The following DOK6 variants were observed in gnomAD, a reference collection of about 807,000 sequenced individuals.
The protein encoded by DOK6 is docking protein 6.
In DOK6, 22 loss-of-function variants were observed where a neutral mutation model predicts 44.0. The ratio of observed to expected loss-of-function variants is 0.50; its 90% CI spans 0.36 to 0.71. DOK6 has a LOEUF of 0.71. DOK6 is among the 30% of genes least tolerant of loss of function. The pLI is 0.00. For synonymous variants in DOK6, 166 were observed against 145.5 expected (o/e 1.14, Z -1.01); for missense variants, 340 against 416.4 (o/e 0.82, Z 1.60).
Position 69,847,631 on chromosome 18 carries a change from C to G in DOK6, c.*6248C>G, listed in dbSNP as rs1488711541. 1 of 151,948 alleles carries G rather than the reference C, an allele frequency of 6.6e-6. No individual in the cohort carries two copies. The allele number at this position is 151,948 out of a possible 1,614,324, so 9.4% of individuals were successfully genotyped here. ...ACTGAAAGCCAGGGAAAATAAAGAA[C>G]AGAATGATAGTAGTATCTTGATATT... On this transcript the variant is annotated 3_prime_UTR_variant, in exon 8 of 8. Transcript: ENST00000382713.
intron 1 of DOK6, among the ~76,000 whole-genome samples, chr18:69,536,304 A>G (rs1568289138): frequency 6.6e-6 from 1 of 152,200 alleles, no homozygotes; most frequent in Non-Finnish European, 1.5e-5. Context: ...TAATATTCAG[A>G]TAATTTACTC....
intron 1 of DOK6, among the ~76,000 whole-genome samples, chr18:69,520,921 A>AG (rs1981667158): frequency 1.3e-5 from 2 of 151,900 alleles, no homozygotes; most frequent in Non-Finnish European, 2.9e-5. Context: ...ATAAAAAGAG[A>AG]GGCCTCTTAA....
chr18:69,475,988 C>T (rs1011225777), intron 1 of DOK6, among the ~76,000 whole-genome samples: 1 of 143,580 alleles, frequency 7.0e-6, no homozygotes, highest in African/African-American at 2.5e-5. Context: ...CTGGTCCCAT[C>T]ACCCAGTAAG....
intron 1 of DOK6, among the ~76,000 whole-genome samples, chr18:69,414,134 A>G (rs1365509563): frequency 1.3e-5 from 2 of 152,198 alleles, no homozygotes; most frequent in African/African-American, 4.8e-5. Flanking sequence ...GTCACTCATT[A>G]CTGGCGGGAA....
chr18:69,681,724 A>G (rs528624524), intron 4 of DOK6, among the ~76,000 whole-genome samples: 2 of 152,380 alleles, frequency 1.3e-5, no homozygotes, highest in Non-Finnish European at 2.9e-5. Flanking sequence ...ATATTAATAT[A>G]TGGCATTACA....
Position 69,735,876 on chromosome 18 carries a change from G to A in DOK6, c.600-3089G>A, listed in dbSNP as rs181372172. On this transcript the variant is annotated intron_variant, in intron 5 of 7. Coordinates refer to ENST00000382713, the MANE Select transcript of DOK6 (RefSeq NM_152721.6). Reference sequence around the variant, plus strand: ...AAAATAGGAATGGAGAATGTGCAGGGTTTGAATAACCAACTGGTGCCTGCT... The same window carrying A: ...AAAATAGGAATGGAGAATGTGCAGGATTTGAATAACCAACTGGTGCCTGCT... Among the ~76,000 whole-genome samples, 484 of 152,328 alleles carry A rather than the reference G, an allele frequency of 3.2e-3. 1 individual carries two copies. The highest frequency in any genetic ancestry group is 5.4e-3 in the Non-Finnish European group (369 of 68,032).
At chr18:69,424,342 T>C (rs1978577288) in intron 1 of DOK6, among the ~76,000 whole-genome samples, 1 of 152,192 alleles carries the variant, frequency 6.6e-6, no homozygotes, top group Non-Finnish European at 1.5e-5. Context: ...AATGAGTGGG[T>C]AAAAGTTGCA....
intron 7 of DOK6, among the ~76,000 whole-genome samples, chr18:69,789,319 C>T (rs932513235): frequency 6.6e-6 from 1 of 151,906 alleles, no homozygotes; most frequent in African/African-American, 2.4e-5. Context: ...TTTATAGGAC[C>T]TTTTACTCTT....
At chr18:69,831,346 T>C (rs1981895476) in intron 7 of DOK6, 1 of 152,216 alleles carries the variant, frequency 6.6e-6, no homozygotes, top group Admixed American at 6.5e-5. Context: ...AGTCTACTGA[T>C]TCAGATGCTA....
chr18:69,833,393 C>T (rs914821677), intron 7 of DOK6, among the ~76,000 whole-genome samples: 1 of 152,068 alleles, frequency 6.6e-6, no homozygotes, highest in African/African-American at 2.4e-5. Flanking sequence ...TCTTTCACCA[C>T]ATATAAAAAT....
intron 3 of DOK6, among the ~76,000 whole-genome samples, chr18:69,618,108 A>C (rs1280769116): frequency 6.6e-6 from 1 of 152,216 alleles, no homozygotes; most frequent in Non-Finnish European, 1.5e-5. Flanking sequence ...AACAACCACT[A>C]TGAGCTAGGA....
intron 1 of DOK6, among the ~76,000 whole-genome samples, chr18:69,528,968 G>A (rs1981912211): frequency 6.6e-6 from 1 of 152,114 alleles, no homozygotes; most frequent in Admixed American, 6.5e-5. Flanking sequence ...TCACCTGAAG[G>A]AAGTCAACTG....
intron 3 of DOK6, among the ~76,000 whole-genome samples, chr18:69,650,094 A>G (rs1393151404): frequency 6.6e-6 from 1 of 152,110 alleles, no homozygotes; most frequent in Non-Finnish European, 1.5e-5. Context: ...AGTGAGATTA[A>G]CACTTTGTGC....
chr18:69,466,398 A>G (rs1430485366), intron 1 of DOK6, among the ~76,000 whole-genome samples: 1 of 152,058 alleles, frequency 6.6e-6, no homozygotes, highest in African/African-American at 2.4e-5. Flanking sequence ...CTGCATTTTC[A>G]TTATCCGTTC....
At chr18:69,608,302 A>G (rs1984048622) in intron 3 of DOK6, among the ~76,000 whole-genome samples, 1 of 152,196 alleles carries the variant, frequency 6.6e-6, no homozygotes, top group Non-Finnish European at 1.5e-5. Flanking sequence ...CACCCCTGTT[A>G]AAGATGAGTT....
At chr18:69,630,243 A>G (rs922833142) in intron 3 of DOK6, among the ~76,000 whole-genome samples, 1 of 152,146 alleles carries the variant, frequency 6.6e-6, no homozygotes, top group African/African-American at 2.4e-5. Flanking sequence ...GGCTAGAAAG[A>G]CCTAACACTT....
rs1282843745 is a variant in DOK6 at position 69,632,580 on chromosome 18, G to T, written c.289+33082G>T. ...AAATTTTAAATATTTAAGTCACCTG[G>T]TGGCCTTTGACAACCAAGATGATTG... On this transcript the variant is annotated intron_variant, in intron 3 of 7. Transcript: ENST00000382713. 2.0e-5 allele frequency among the ~76,000 whole-genome samples: 3 copies of T among 152,124 alleles called. No individual in the cohort carries two copies. In the East Asian group the frequency reaches 5.8e-4, roughly 29 times the overall value.
chr18:69,772,364 G>A (rs948630348), intron 7 of DOK6, among the ~76,000 whole-genome samples: 11 of 151,926 alleles, frequency 7.2e-5, no homozygotes, highest in Admixed American at 6.6e-5. Flanking sequence ...GAAACAATTA[G>A]CAAATTCATG....
chr18:69,698,127 CA>C (rs1474523424), intron 4 of DOK6, among the ~76,000 whole-genome samples: 1 of 152,148 alleles, frequency 6.6e-6, no homozygotes, highest in Non-Finnish European at 1.5e-5. Context: ...CTTATTTTTC[CA>C]TTGTACAATT....
Sources: allele counts gnomAD v4.1 joint callset (sites outside exome capture counted in the v4.1 genomes callset), GRCh38; gene constraint gnomAD v4.1.1; transcripts MANE v1.5; gene names NCBI Gene and HGNC (gene_info 2026-07-23, HGNC 2026-07-21).